GRIK4: variants seen among roughly 807,000 people sequenced by gnomAD.
The protein encoded by GRIK4 is glutamate receptor ionotropic, kainate 4.
A neutral mutation model predicts 104.9 loss-of-function variants in GRIK4; 40 were observed. The observed-to-expected ratio is 0.38, with a 90% CI of 0.30 to 0.50. The LOEUF (loss-of-function observed/expected upper bound fraction) is 0.50, where lower values mean the gene tolerates loss of function less well. GRIK4 is among the 20% of genes least tolerant of loss of function. The probability of loss-of-function intolerance (pLI) is 0.93; values close to 1 mark genes in which losing one functional copy is unlikely to be tolerated. For synonymous variants in GRIK4, 485 were observed against 524.9 expected (o/e 0.92, Z 1.04); for missense variants, 1,047 against 1,308.1 (o/e 0.80, Z 3.08).
intron 8 of GRIK4, among the ~76,000 whole-genome samples, chr11:120,852,415 T>C (rs1007873320): frequency 6.6e-6 from 1 of 152,214 alleles, no homozygotes; most frequent in African/African-American, 2.4e-5. Flanking sequence ...GTGAAGGGGA[T>C]AGAGCATGAA....
intron 3 of GRIK4, among the ~76,000 whole-genome samples, chr11:120,797,813 T>C (rs570827673): frequency 6.6e-6 from 1 of 152,276 alleles, no homozygotes; most frequent in Admixed American, 6.5e-5. Flanking sequence ...GAAAGAGGAA[T>C]GGGGTGAAGA....
chr11:120,637,273 A>G (rs1949410227), intron 1 of GRIK4, among the ~76,000 whole-genome samples: 1 of 152,054 alleles, frequency 6.6e-6, no homozygotes, highest in African/African-American at 2.4e-5. Flanking sequence ...TATTGTTTGT[A>G]CCAGCAAGCG....
intron 20 of GRIK4, among the ~76,000 whole-genome samples, chr11:120,983,142 T>A (rs1025052350): frequency 5.3e-5 from 8 of 152,162 alleles, no homozygotes; most frequent in African/African-American, 1.9e-4. Context: ...TGCTGTCCCT[T>A]CCTTGATCCT....
intron 1 of GRIK4, among the ~76,000 whole-genome samples, chr11:120,589,270 G>A (rs548019271): frequency 9.2e-5 from 14 of 152,244 alleles, no homozygotes; most frequent in African/African-American, 3.1e-4. Flanking sequence ...CTTGAGAGCC[G>A]CTGCACTACA....
chr11:120,646,473 G>A (rs2135209750), intron 1 of GRIK4, among the ~76,000 whole-genome samples: 1 of 152,304 alleles, frequency 6.6e-6, no homozygotes, highest in Admixed American at 6.5e-5. Context: ...AGTTTTGTGA[G>A]TGGAGGGAGT....
chr11:120,628,552 G>A lies in GRIK4; in HGVS notation c.-158-25133G>A, dbSNP rs542337924. Among the ~76,000 whole-genome samples, 15 of 152,264 alleles carry A rather than the reference G, an allele frequency of 9.9e-5. No individual in the cohort carries two copies. The East Asian group carries it at 1.5e-3, about 16-fold the overall frequency. On this transcript the variant is annotated intron_variant, in intron 1 of 20. Coordinates refer to ENST00000527524, the MANE Select transcript of GRIK4 (RefSeq NM_014619.5). ...CCCGAGGGCCCTCCTGACAACATGC[G>A]CCTTGTGCAGAGAGGGATAGCCATG...
intron 3 of GRIK4, among the ~76,000 whole-genome samples, chr11:120,717,836 T>A (rs1950861905): frequency 6.6e-6 from 1 of 152,108 alleles, no homozygotes; most frequent in Non-Finnish European, 1.5e-5. Context: ...GTGCTCTCCC[T>A]GGAGCTGAGG....
intron 1 of GRIK4, among the ~76,000 whole-genome samples, chr11:120,588,890 G>A (rs1025934879): frequency 2.0e-5 from 3 of 152,078 alleles, no homozygotes; most frequent in Non-Finnish European, 4.4e-5. Context: ...GAGAACTGTC[G>A]GTATAGGGGG....
chr11:120,876,065 C>T (rs1741979267), intron 11 of GRIK4, among the ~76,000 whole-genome samples: 1 of 151,816 alleles, frequency 6.6e-6, no homozygotes. Flanking sequence ...GGGAGCACAC[C>T]ACTGAAGGGT....
At chr11:120,633,031 C>G (rs558714487) in intron 1 of GRIK4, among the ~76,000 whole-genome samples, 1 of 152,034 alleles carries the variant, frequency 6.6e-6, no homozygotes, top group Non-Finnish European at 1.5e-5. Flanking sequence ...CCCAGGCACA[C>G]AAACAGATGA....
At chr11:120,781,041 C>G (rs1952146599) in intron 3 of GRIK4, among the ~76,000 whole-genome samples, 1 of 152,118 alleles carries the variant, frequency 6.6e-6, no homozygotes, top group Non-Finnish European at 1.5e-5. Context: ...TGCACCTGGC[C>G]ACATTATCCG....
intron 1 of GRIK4, among the ~76,000 whole-genome samples, chr11:120,563,203 A>G (rs1260971715): frequency 6.6e-6 from 1 of 152,098 alleles, no homozygotes; most frequent in East Asian, 1.9e-4. Context: ...CTCTTTGTCC[A>G]TGTGGGATAG....
chr11:120,702,029 C>G lies in GRIK4; in HGVS notation c.82+41629C>G, dbSNP rs192796500. Among the ~76,000 whole-genome samples, 369 of 146,488 alleles carry G rather than the reference C, an allele frequency of 2.5e-3. 5 individuals are homozygous for G. Among genetic ancestry groups the G allele is most frequent in the Admixed American group, 3.8e-3 (54 of 14,160 alleles). On this transcript the variant is annotated intron_variant, in intron 3 of 20. Coordinates refer to ENST00000527524, the MANE Select transcript of GRIK4 (RefSeq NM_014619.5). ...GGAGTGCAGTGGTGCGATACCGGCTCACTGCAATCTCTGCCTCCCAGGTTC... is the reference window on the plus strand; with the variant it reads ...GGAGTGCAGTGGTGCGATACCGGCTGACTGCAATCTCTGCCTCCCAGGTTC...
chr11:120,591,650 A>G (rs1210880696), intron 1 of GRIK4, among the ~76,000 whole-genome samples: 1 of 152,074 alleles, frequency 6.6e-6, no homozygotes. Flanking sequence ...TCCCCTAGTC[A>G]GTACTAGGGA....
chr11:120,628,762 T>G (rs1949293779), intron 1 of GRIK4, among the ~76,000 whole-genome samples: 1 of 152,182 alleles, frequency 6.6e-6, no homozygotes, highest in African/African-American at 2.4e-5. Context: ...CAGAGGGACT[T>G]CTCCAGTGAG....
Position 120,643,696 on chromosome 11 carries a change from G to C in GRIK4, c.-158-9989G>C, listed in dbSNP as rs537162778. On this transcript the variant is annotated intron_variant, in intron 1 of 20. Coordinates refer to ENST00000527524, the MANE Select transcript of GRIK4 (RefSeq NM_014619.5). ...AATTACTTAACCGCTCTGAGTTTCCGGCTCTTCATCTTTGAAGGAGGGCTC... is the reference window on the plus strand; with the variant it reads ...AATTACTTAACCGCTCTGAGTTTCCCGCTCTTCATCTTTGAAGGAGGGCTC... 2.6e-5 allele frequency among the ~76,000 whole-genome samples: 4 copies of C among 152,186 alleles called. No homozygotes were observed. In the South Asian group the frequency reaches 8.3e-4, roughly 32 times the overall value.
At chr11:120,665,356 A>G (rs1266803187) in intron 3 of GRIK4, among the ~76,000 whole-genome samples, 2 of 152,330 alleles carry the variant, frequency 1.3e-5, no homozygotes, top group East Asian at 3.9e-4. Context: ...AGTCACCCAT[A>G]TAGACAATCA....
intron 11 of GRIK4, among the ~76,000 whole-genome samples, chr11:120,875,879 T>C (rs773009062): frequency 3.3e-5 from 5 of 152,136 alleles, no homozygotes; most frequent in East Asian, 1.9e-4. Flanking sequence ...GATCTGACTT[T>C]TGAAGTGTCT....
intron 4 of GRIK4, among the ~76,000 whole-genome samples, chr11:120,803,533 G>A (rs773357974): frequency 6.6e-6 from 1 of 152,092 alleles, no homozygotes. Flanking sequence ...TGCCTCCCGC[G>A]TTCAAGTGAT....
Sources: allele counts gnomAD v4.1 joint callset (sites outside exome capture counted in the v4.1 genomes callset), GRCh38; gene constraint gnomAD v4.1.1; transcripts MANE v1.5; gene names NCBI Gene and HGNC (gene_info 2026-07-23, HGNC 2026-07-21).